The following LTBP1 variants were observed in gnomAD, a reference collection of about 807,000 sequenced individuals.
The protein encoded by LTBP1 is latent-transforming growth factor beta-binding protein 1.
A neutral mutation model predicts 207.6 loss-of-function variants in LTBP1; 129 were observed. The ratio of observed to expected loss-of-function variants is 0.62; its 90% CI spans 0.54 to 0.72. The LOEUF (loss-of-function observed/expected upper bound fraction) is 0.72, where lower values mean the gene tolerates loss of function less well. Among genes scored for constraint, LTBP1 ranks in the 30% least tolerant of loss-of-function variants. The pLI is 0.00. For synonymous variants in LTBP1, 963 were observed against 833.7 expected (o/e 1.16, Z -2.67); for missense variants, 2,281 against 2,217.2 (o/e 1.03, Z -0.58).
At chr2:33,314,103 C>T (rs560630331) in intron 23 of LTBP1, among the ~76,000 whole-genome samples, 119 of 152,242 alleles carry the variant, frequency 7.8e-4, no homozygotes, top group African/African-American at 2.3e-3. Context: ...AGCATAAAGT[C>T]GACAACACAA....
chr2:32,979,364 G>A (rs1291707389), intron 2 of LTBP1, among the ~76,000 whole-genome samples: 1 of 151,830 alleles, frequency 6.6e-6, no homozygotes, highest in Non-Finnish European at 1.5e-5. Flanking sequence ...TGCTTTTGCT[G>A]TATCCCATAG....
At chr2:33,236,945 C>T (rs1239736023) in intron 9 of LTBP1, among the ~76,000 whole-genome samples, 2 of 152,190 alleles carry the variant, frequency 1.3e-5, no homozygotes, top group Non-Finnish European at 2.9e-5. Context: ...GGAGTTGCTG[C>T]CACAGTGGTT....
At chr2:32,963,869 T>C (rs1197349008) in intron 2 of LTBP1, among the ~76,000 whole-genome samples, 1 of 152,146 alleles carries the variant, frequency 6.6e-6, no homozygotes, top group Non-Finnish European at 1.5e-5. Flanking sequence ...TTGAGGGCCC[T>C]GAGTTTAAAG....
At chr2:33,284,686 A>C (rs796313425) in intron 19 of LTBP1, among the ~76,000 whole-genome samples, 1 of 152,198 alleles carries the variant, frequency 6.6e-6, no homozygotes, top group African/African-American at 2.4e-5. Context: ...GATGAGAGCC[A>C]TCCCCCAAGG....
chr2:33,175,834 G>T (rs2085980053), intron 5 of LTBP1, among the ~76,000 whole-genome samples: 1 of 148,614 alleles, frequency 6.7e-6, no homozygotes, highest in East Asian at 2.0e-4. Context: ...ATAAAAAAAT[G>T]ATGAGTTCAT....
chr2:33,188,491 T>C lies in LTBP1; in HGVS notation c.1427-86T>C, dbSNP rs946734785. The C allele has an allele frequency of 8.9e-6, 10 of 1,123,258 alleles. No homozygotes were observed. The Admixed American group carries it at 1.5e-4, about 17-fold the overall frequency. The allele number at this position is 1,123,258 out of a possible 1,614,324, so 69.6% of individuals were successfully genotyped here. On this transcript the variant is annotated intron_variant, in intron 6 of 33. Coordinates refer to ENST00000404816, the MANE Select transcript of LTBP1 (RefSeq NM_206943.4). ...AAAATGCTACACATGCATGCATGTT[T>C]ATAAAATTTACTTTCATGTTTTAAA...
At position 32,986,998 on chromosome 2, in the gene LTBP1, G is replaced by C. The variant is rs149287772; in HGVS notation, c.566-33911G>C. Among the ~76,000 whole-genome samples, 503 of 152,300 alleles carry C rather than the reference G, an allele frequency of 3.3e-3. 3 individuals are homozygous for C. Among genetic ancestry groups the C allele is most frequent in the Middle Eastern group, 0.02 (6 of 294 alleles). On this transcript the variant is annotated intron_variant, in intron 2 of 33. Coordinates refer to ENST00000404816, the MANE Select transcript of LTBP1 (RefSeq NM_206943.4). ...ATTGGCTAGGGTTGTGGCGATGGGGGTGTGATGGGAAGGCAGGGCTAGCCC... is the reference window on the plus strand; with the variant it reads ...ATTGGCTAGGGTTGTGGCGATGGGGCTGTGATGGGAAGGCAGGGCTAGCCC...
At chr2:33,342,429 A>G (rs147399206) in intron 24 of LTBP1, among the ~76,000 whole-genome samples, 13 of 152,336 alleles carry the variant, frequency 8.5e-5, no homozygotes, top group African/African-American at 2.4e-4. Flanking sequence ...TTCCACCTGT[A>G]ACTATCAGAT....
At chr2:33,326,075 T>C (rs1394852668) in intron 24 of LTBP1, among the ~76,000 whole-genome samples, 1 of 130,908 alleles carries the variant, frequency 7.6e-6, no homozygotes, top group Non-Finnish European at 1.8e-5. Flanking sequence ...GTTTTTGCTT[T>C]TGTTAAAAAA....
chr2:32,979,775 C>T (rs1245472724), intron 2 of LTBP1, among the ~76,000 whole-genome samples: 1 of 152,062 alleles, frequency 6.6e-6, no homozygotes, highest in Non-Finnish European at 1.5e-5. Context: ...TGAAAGTGTG[C>T]AGTGTTAAAG....
At chr2:32,995,866 C>A (rs955766273) in intron 2 of LTBP1, among the ~76,000 whole-genome samples, 1 of 152,138 alleles carries the variant, frequency 6.6e-6, no homozygotes, top group Non-Finnish European at 1.5e-5. Context: ...TTATCTCTTG[C>A]CCTCTCAGCA....
At chr2:33,056,669 C>G (rs2077016898) in intron 3 of LTBP1, among the ~76,000 whole-genome samples, 1 of 151,912 alleles carries the variant, frequency 6.6e-6, no homozygotes, top group Non-Finnish European at 1.5e-5. Context: ...TTTCTTCCTT[C>G]TGGGTTTGTG....
intron 2 of LTBP1, among the ~76,000 whole-genome samples, chr2:33,004,649 A>G (rs974525720): frequency 1.3e-5 from 2 of 150,792 alleles, no homozygotes; most frequent in Admixed American, 1.3e-4. Flanking sequence ...TTGGTGCGTG[A>G]CTGTAATCCC....
Position 33,277,292 on chromosome 2 carries a change from G to A in LTBP1, c.2992+1369G>A, listed in dbSNP as rs181110913. 1.2e-4 allele frequency among the ~76,000 whole-genome samples: 18 copies of A among 152,224 alleles called. No homozygotes were observed. In the East Asian group the frequency reaches 3.1e-3, roughly 26 times the overall value. On this transcript the variant is annotated intron_variant, in intron 18 of 33. Coordinates refer to ENST00000404816, the MANE Select transcript of LTBP1 (RefSeq NM_206943.4). ...TTGCTGGATCTCTGATCAGCATGGAGTTTTGTACCCTCCCCGAGGGCCACG... is the reference window on the plus strand; with the variant it reads ...TTGCTGGATCTCTGATCAGCATGGAATTTTGTACCCTCCCCGAGGGCCACG...
chr2:33,377,842 G>A (rs2095160556), intron 31 of LTBP1, among the ~76,000 whole-genome samples: 1 of 152,108 alleles, frequency 6.6e-6, no homozygotes, highest in African/African-American at 2.4e-5. Flanking sequence ...CTGGCGACAG[G>A]ACAGAAGGAG....
intron 31 of LTBP1, among the ~76,000 whole-genome samples, chr2:33,371,679 C>T (rs1380079484): frequency 3.3e-5 from 5 of 152,184 alleles, no homozygotes; most frequent in Non-Finnish European, 5.9e-5. Flanking sequence ...TGATAACTAA[C>T]ATATACATAG....
At chr2:33,143,396 G>T (rs1016797882) in intron 5 of LTBP1, among the ~76,000 whole-genome samples, 18 of 152,146 alleles carry the variant, frequency 1.2e-4, no homozygotes, top group African/African-American at 3.9e-4. Flanking sequence ...TGTTTATGCG[G>T]CTGCCTGGGC....
chr2:33,044,547 C>G (rs1195900001), intron 3 of LTBP1, among the ~76,000 whole-genome samples: 1 of 152,126 alleles, frequency 6.6e-6, no homozygotes, highest in Non-Finnish European at 1.5e-5. Flanking sequence ...CAAGTCCTTG[C>G]TATTGTGAAC....
intron 3 of LTBP1, among the ~76,000 whole-genome samples, chr2:33,071,179 G>T (rs1164070477): frequency 2.0e-5 from 3 of 152,114 alleles, no homozygotes; most frequent in Non-Finnish European, 4.4e-5. Context: ...AGTCGTTCAG[G>T]CCACTTCCAA....
Sources: allele counts gnomAD v4.1 joint callset (sites outside exome capture counted in the v4.1 genomes callset), GRCh38; gene constraint gnomAD v4.1.1; transcripts MANE v1.5; gene names NCBI Gene and HGNC (gene_info 2026-07-23, HGNC 2026-07-21).